Variants in PCDHGA8 observed in about 807,000 individuals in gnomAD.
The protein encoded by PCDHGA8 is protocadherin gamma-A8.
Under a neutral mutation model 59.2 loss-of-function variants are expected in PCDHGA8, and 45 were observed. The observed-to-expected ratio is 0.76, with a 90% confidence interval of 0.60 to 0.98. The LOEUF (loss-of-function observed/expected upper bound fraction) is 0.98. Among genes scored for constraint, PCDHGA8 ranks in the 50% least tolerant of loss-of-function variants. The pLI, the probability that PCDHGA8 is intolerant of heterozygous loss-of-function variation, is 0.00. For missense variants in PCDHGA8, 1,257 were observed against 1,196.2 expected, an observed-to-expected ratio of 1.05 and a Z score of -0.75; for synonymous variants, 531 against 519.0, an observed-to-expected ratio of 1.02 and a Z score of -0.32.
intron 1 of PCDHGA8, chr5:141,421,331 C>T: frequency 1.2e-6 from 2 of 1,613,856 alleles, no homozygotes; most frequent in East Asian, 2.2e-5. Flanking sequence ...ATCCGATATT[C>T]GGTGCCAGAA....
At chr5:141,442,701 A>AG (rs1388473196) in intron 1 of PCDHGA8, among the ~76,000 whole-genome samples, 5 of 152,258 alleles carry the variant, frequency 3.3e-5, no homozygotes, top group Non-Finnish European at 7.3e-5. Flanking sequence ...AGACAAGAGT[A>AG]TCAGACATGC....
chr5:141,418,264 A>C, intron 1 of PCDHGA8: 1 of 1,614,082 alleles, frequency 6.2e-7, no homozygotes, highest in Non-Finnish European at 8.5e-7. Flanking sequence ...AATTCCGGAA[A>C]GATGAAATAA....
chr5:141,465,440 A>T (rs1478987071), intron 1 of PCDHGA8, among the ~76,000 whole-genome samples: 1 of 152,194 alleles, frequency 6.6e-6, no homozygotes, highest in Non-Finnish European at 1.5e-5. Flanking sequence ...CTTAATGATT[A>T]CCCAAGAAAA....
At chr5:141,466,094 C>T (rs1462266046) in intron 1 of PCDHGA8, among the ~76,000 whole-genome samples, 1 of 152,040 alleles carries the variant, frequency 6.6e-6, no homozygotes, top group Non-Finnish European at 1.5e-5. Flanking sequence ...TGCACTCCAG[C>T]CTGGGCAACA....
At chr5:141,502,494 A>G (rs928571740) in intron 2 of PCDHGA8, among the ~76,000 whole-genome samples, 2 of 152,180 alleles carry the variant, frequency 1.3e-5, no homozygotes, top group South Asian at 2.1e-4. Context: ...GGACTCATCT[A>G]ACGTCGGCCT....
At chr5:141,423,193 T>A in intron 1 of PCDHGA8, 2 of 1,613,564 alleles carry the variant, frequency 1.2e-6, no homozygotes, top group Non-Finnish European at 1.7e-6. Context: ...GCCCCCTCTC[T>A]CGGCCACCGT....
intron 1 of PCDHGA8, among the ~76,000 whole-genome samples, chr5:141,448,573 AT>A (rs976781630): frequency 1.3e-5 from 2 of 151,652 alleles, no homozygotes; most frequent in East Asian, 1.9e-4. Flanking sequence ...TTATTTCCCC[AT>A]TTTTTTTACA....
intron 1 of PCDHGA8, chr5:141,492,015 G>A (rs117345436): frequency 3.3e-6 from 2 of 600,492 alleles, no homozygotes; most frequent in African/African-American, 1.9e-5. Context: ...CGCGGGTGTC[G>A]GGGGTCCCGG....
intron 3 of PCDHGA8, among the ~76,000 whole-genome samples, chr5:141,509,693 G>A (rs72790076): frequency 0.024 from 3,613 of 152,246 alleles, 55 homozygotes; most frequent in East Asian, 0.046. Flanking sequence ...ACAGTGGGAC[G>A]TTGGACTGGA....
intron 1 of PCDHGA8, chr5:141,413,304 A>G: frequency 6.2e-7 from 1 of 1,613,982 alleles, no homozygotes; most frequent in Non-Finnish European, 8.5e-7. Context: ...CTGAGGAATT[A>G]GAGAAAGGCT....
chr5:141,491,705 G>A lies in PCDHGA8; in HGVS notation c.2425-3102G>A. ...ACGCTGCGGGAGCGGAGCCAGGTGA[G>A]GGGCTCGGCGCCGCCCCGGGCGACC... is the stretch of plus-strand genomic sequence containing the variant. On this transcript the variant is annotated intron_variant, in intron 1 of 3. Transcript: ENST00000398604. The surrounding 1 kb of genome is among the most constrained non-coding windows in gnomAD (Gnocchi z 6.9). 1 of 1,611,064 alleles carries A rather than the reference G, an allele frequency of 6.2e-7. No homozygotes were observed. Among genetic ancestry groups the A allele is most frequent in the South Asian group, 1.1e-5 (1 of 90,828 alleles).
chr5:141,403,200 C>T (rs765799006), intron 1 of PCDHGA8: 1 of 1,613,982 alleles, frequency 6.2e-7, no homozygotes, highest in South Asian at 1.1e-5. Flanking sequence ...CGCAGCGGCA[C>T]CTTGGTCACC....
rs147992300 is a variant in PCDHGA8 at position 141,395,138 on chromosome 5, C to G, written c.2325C>G (p.Tyr775Ter). The change falls in exon 1 of 4, where the codon TAC (tyrosine) becomes TAG (stop). Residue 775 changes from tyrosine (Y) to a stop codon, truncating the protein, a stop_gained. Coordinates refer to ENST00000398604, the MANE Select transcript of PCDHGA8 (RefSeq NM_032088.2). LOFTEE classifies it high-confidence loss of function. ...ACCTGATCTTTCCCCAGCCCAACTA[C>G]GCAGACATGCTCATCAGTCAGGAGG... ...KSHLIFPQPN[Y>*]ADMLISQEGC... The G allele has an allele frequency of 1.9e-6, 3 of 1,614,204 alleles. No homozygotes were observed. Among genetic ancestry groups the G allele is most frequent in the Non-Finnish European group, 2.5e-6 (3 of 1,180,042 alleles).
chr5:141,418,677 T>A (rs1717013168), intron 1 of PCDHGA8: 1 of 1,613,930 alleles, frequency 6.2e-7, no homozygotes, highest in African/African-American at 1.3e-5. Flanking sequence ...GACGAGGGCA[T>A]CAACTCAGAG....
intron 2 of PCDHGA8, among the ~76,000 whole-genome samples, chr5:141,500,212 ATT>A (rs1336187706): frequency 5.4e-5 from 8 of 148,798 alleles, no homozygotes; most frequent in African/African-American, 2.0e-4. Context: ...TTATTTATTT[ATT>A]TATTTATTTA....
At chr5:141,408,955 T>G in intron 1 of PCDHGA8, 1 of 1,613,616 alleles carries the variant, frequency 6.2e-7, no homozygotes, top group South Asian at 1.1e-5. Flanking sequence ...GAATTAGTCT[T>G]AGTGAAAATC....
chr5:141,499,493 A>G (rs1322531312), intron 2 of PCDHGA8, among the ~76,000 whole-genome samples: 1 of 152,222 alleles, frequency 6.6e-6, no homozygotes, highest in African/African-American at 2.4e-5. Context: ...CTACAGTTTA[A>G]TATGAAACAT....
chr5:141,505,243 G>A (rs2099844728), intron 2 of PCDHGA8, 150 bp from the exon 3 acceptor site: 1 of 1,424,622 alleles, frequency 7.0e-7, no homozygotes, highest in Non-Finnish European at 9.4e-7. Flanking sequence ...CTGAAGGATT[G>A]TAGAAGTGCC....
chr5:141,429,729 A>G (rs1362403236), intron 1 of PCDHGA8, among the ~76,000 whole-genome samples: 1 of 152,240 alleles, frequency 6.6e-6, no homozygotes, highest in African/African-American at 2.4e-5. Flanking sequence ...GAAAGTACGT[A>G]GCCAGTTATT....
Sources: gnomAD v4.1 joint callset for allele counts (sites outside exome capture counted in the v4.1 genomes callset) on GRCh38, gnomAD v4.1.1 for gene constraint, Gnocchi (gnomAD v3.1) non-coding constraint, MANE v1.5 for transcripts, NCBI Gene and HGNC (gene_info 2026-07-23, HGNC 2026-07-21) for gene names.